CDH13: variants seen among roughly 807,000 people sequenced by gnomAD.
CDH13 encodes the protein cadherin-13.
In CDH13, 24 loss-of-function variants were observed where a neutral mutation model predicts 63.8. The observed-to-expected ratio is 0.38, with a 90% CI of 0.27 to 0.53. The LOEUF is 0.53. CDH13 is among the 20% of genes least tolerant of loss of function. The pLI, the probability that CDH13 is intolerant of heterozygous loss-of-function variation, is 0.85. For missense variants in CDH13, 1,049 were observed against 903.1 expected, an observed-to-expected ratio of 1.16 and a Z score of -2.07; for synonymous variants, 503 against 355.3, an observed-to-expected ratio of 1.42 and a Z score of -4.67.
chr16:82,641,726 A>G (rs535700306), intron 1 of CDH13, among the ~76,000 whole-genome samples: 11 of 152,376 alleles, frequency 7.2e-5, no homozygotes, highest in African/African-American at 2.2e-4. Flanking sequence ...TCATTTATCA[A>G]CAAATATTAC....
intron 2 of CDH13, among the ~76,000 whole-genome samples, chr16:82,955,900 C>G (rs1429492676): frequency 6.6e-6 from 1 of 152,174 alleles, no homozygotes; most frequent in Non-Finnish European, 1.5e-5. Flanking sequence ...TAGGTGTTTC[C>G]TCTACCTAGC....
intron 4 of CDH13, among the ~76,000 whole-genome samples, chr16:83,187,020 G>C (rs972911794): frequency 4.6e-5 from 7 of 152,058 alleles, no homozygotes; most frequent in African/African-American, 1.7e-4. Flanking sequence ...ACCCAGGCTG[G>C]AGTGCAGTGG....
At chr16:83,191,552 TATATAC>T (rs1333260053) in intron 4 of CDH13, among the ~76,000 whole-genome samples, 1 of 138,400 alleles carries the variant, frequency 7.2e-6, no homozygotes, top group Admixed American at 7.5e-5. Context: ...TATATATATA[TATATAC>T]ACACACACAT....
chr16:82,681,474 A>G (rs780843094), intron 1 of CDH13, among the ~76,000 whole-genome samples: 39 of 152,192 alleles, frequency 2.6e-4, no homozygotes, highest in Non-Finnish European at 4.9e-4. Flanking sequence ...TTAATGGCCA[A>G]TTTTATGTTA....
At chr16:82,716,719 TC>T (rs1286973198) in intron 1 of CDH13, among the ~76,000 whole-genome samples, 5 of 151,246 alleles carry the variant, frequency 3.3e-5, no homozygotes, top group African/African-American at 1.2e-4. Context: ...TGCACAGGTT[TC>T]TGGAGGGGTT....
chr16:83,708,831 A>C (rs117610970), intron 10 of CDH13, among the ~76,000 whole-genome samples: 42,670 of 151,880 alleles, frequency 0.28, 6,381 homozygotes, highest in Middle Eastern at 0.46. Flanking sequence ...TCAAGACCAG[A>C]CTGGCCAATG....
chr16:83,104,032 G>A (rs892163594), intron 3 of CDH13, among the ~76,000 whole-genome samples: 1 of 152,130 alleles, frequency 6.6e-6, no homozygotes, highest in African/African-American at 2.4e-5. Flanking sequence ...TAAAATAGTT[G>A]CTGTATTTGC....
chr16:83,152,049 T>C (rs887483289), intron 4 of CDH13, among the ~76,000 whole-genome samples: 3 of 152,118 alleles, frequency 2.0e-5, no homozygotes, highest in Non-Finnish European at 2.9e-5. Context: ...TCTATAACCA[T>C]TGACTTTTGG....
chr16:82,790,954 C>T (rs2036267636), intron 1 of CDH13, among the ~76,000 whole-genome samples: 2 of 152,152 alleles, frequency 1.3e-5, no homozygotes, highest in Admixed American at 6.5e-5. Flanking sequence ...AATTCCTAAG[C>T]CAGCTGTGCC....
chr16:83,622,047 T>C (rs1422607845), intron 8 of CDH13, among the ~76,000 whole-genome samples: 3 of 152,076 alleles, frequency 2.0e-5, no homozygotes, highest in Non-Finnish European at 4.4e-5. Flanking sequence ...AAAGAATAGA[T>C]AAAAAAATTC....
intron 2 of CDH13, among the ~76,000 whole-genome samples, chr16:82,966,305 C>G (rs952584922): frequency 6.6e-6 from 1 of 151,140 alleles, no homozygotes; most frequent in African/African-American, 2.4e-5. Flanking sequence ...CCCGCCACCA[C>G]GCCCAGCTAA....
chr16:82,892,990 C>G (rs1333524537), intron 2 of CDH13, among the ~76,000 whole-genome samples: 1 of 152,168 alleles, frequency 6.6e-6, no homozygotes, highest in Non-Finnish European at 1.5e-5. Context: ...GGTAACTTTA[C>G]TATATACTTG....
chr16:83,565,270 A>G (rs9921440), intron 7 of CDH13, among the ~76,000 whole-genome samples: 118,442 of 151,528 alleles, frequency 0.78, 46,317 homozygotes, highest in Middle Eastern at 0.86. Context: ...ACTGGATGCC[A>G]TCCGAAAGAG....
At chr16:82,867,546 C>T (rs2040191585) in intron 2 of CDH13, among the ~76,000 whole-genome samples, 1 of 152,142 alleles carries the variant, frequency 6.6e-6, no homozygotes, top group Non-Finnish European at 1.5e-5. Context: ...TTGGTCATGC[C>T]ACCATGACAC....
intron 4 of CDH13, among the ~76,000 whole-genome samples, chr16:83,162,531 G>A (rs914455968): frequency 2.0e-5 from 3 of 152,106 alleles, no homozygotes; most frequent in African/African-American, 7.2e-5. Flanking sequence ...TCCCTACCAA[G>A]TTTTAAAGGT....
At chr16:83,145,878 CTG>C (rs1489536482) in intron 4 of CDH13, among the ~76,000 whole-genome samples, 1 of 152,092 alleles carries the variant, frequency 6.6e-6, no homozygotes, top group East Asian at 1.9e-4. Flanking sequence ...CACATTTAAA[CTG>C]TGACTCTAAG....
At chr16:83,043,619 G>A (rs1040379536) in intron 3 of CDH13, among the ~76,000 whole-genome samples, 4 of 151,888 alleles carry the variant, frequency 2.6e-5, no homozygotes, top group Admixed American at 6.6e-5. Flanking sequence ...AGCACTTTAA[G>A]AGGCCAAGGC....
At chr16:83,558,657 T>A (rs769000407) in intron 7 of CDH13, among the ~76,000 whole-genome samples, 30 of 152,200 alleles carry the variant, frequency 2.0e-4, no homozygotes, top group Non-Finnish European at 3.7e-4. Context: ...TTTCAAAAGC[T>A]AAATTGCCTG....
chr16:83,456,010 C>T (rs1366758489), intron 6 of CDH13, among the ~76,000 whole-genome samples: 2 of 152,226 alleles, frequency 1.3e-5, no homozygotes, highest in African/African-American at 4.8e-5. Context: ...TGCTGTTACC[C>T]TGCTGTCTGT....
Sources: allele counts gnomAD v4.1 joint callset (sites outside exome capture counted in the v4.1 genomes callset), GRCh38; gene constraint gnomAD v4.1.1; transcripts MANE v1.5; gene names NCBI Gene and HGNC (gene_info 2026-07-23, HGNC 2026-07-21).